Variants in TG observed in about 807,000 individuals in gnomAD.
The protein encoded by TG is thyroglobulin.
A neutral mutation model predicts 324.7 loss-of-function variants in TG; 270 were observed. That is an observed-to-expected ratio of 0.83 (90% CI 0.75 to 0.92). TG has a LOEUF of 0.92. TG is among the 40% of genes least tolerant of loss of function. The probability of loss-of-function intolerance (pLI) is 0.00; values close to 1 mark genes in which losing one functional copy is unlikely to be tolerated. For synonymous variants in TG, 1,401 were observed against 1,327.0 expected (o/e 1.06, Z -1.21); for missense variants, 3,591 against 3,456.4 (o/e 1.04, Z -0.98).
Position 132,962,983 on chromosome 8 carries a change from T to A in TG, c.5468-11T>A, listed in dbSNP as rs1323448032. The A allele has an allele frequency of 1.2e-6, 2 of 1,613,654 alleles. No homozygotes were observed. Among genetic ancestry groups the A allele is most frequent in the African/African-American group, 1.3e-5 (1 of 74,902 alleles). ...CCCCAACATTGCAACAACTCTTTTT[T>A]TTCCTCCTAGATTCTGACATGGGGT... On this transcript the variant is annotated splice_polypyrimidine_tract_variant and intron_variant, in intron 28 of 47. Coordinates refer to ENST00000220616, the MANE Select transcript of TG (RefSeq NM_003235.5).
intron 44 of TG, among the ~76,000 whole-genome samples, chr8:133,114,684 T>A (rs1487595842): frequency 6.6e-6 from 1 of 152,158 alleles, no homozygotes. Flanking sequence ...ATGCGAGTGC[T>A]TTTTACATTC....
Position 132,948,792 on chromosome 8 carries a change from G to T in TG, c.5250G>T (p.Gly1750=). The change falls in exon 27 of 48, where the codon GGG becomes GGT. Residue 1750 remains glycine, a synonymous_variant. Transcript: ENST00000220616. The part of the protein sequence containing the change: ...TQVQGGAIIC[G]LLSSPSVLLC... The stretch of plus-strand genomic sequence containing the variant: ...GATTCTCAGGTGCCATCATCTGTGG[G>T]TTGCTGAGCTCACCCAGTGTCCTGC... 1.2e-6 allele frequency: 2 copies of T among 1,613,836 alleles called. No individual in the cohort carries two copies. The highest frequency in any genetic ancestry group is 8.5e-7 in the Non-Finnish European group (1 of 1,180,022).
At chr8:132,979,485 A>G (rs1587663465) in intron 34 of TG, among the ~76,000 whole-genome samples, 1 of 152,204 alleles carries the variant, frequency 6.6e-6, no homozygotes, top group Non-Finnish European at 1.5e-5. Context: ...AGAAACTTCC[A>G]TATGTAGGTA....
At chr8:132,887,894 C>T (rs923728575) in intron 9 of TG, 90 bp from the exon 10 acceptor site, 16 of 1,223,250 alleles carry the variant, frequency 1.3e-5, no homozygotes, top group Admixed American at 4.0e-5. Context: ...AGGTTTTAGA[C>T]GGAGTTTGGA....
intron 38 of TG, 108 bp downstream of exon 38, chr8:133,018,105 A>G (rs1835213174): frequency 1.9e-6 from 2 of 1,051,452 alleles, no homozygotes; most frequent in South Asian, 2.7e-5. Flanking sequence ...GGATAAAGCA[A>G]TGTATGGAGG....
At chr8:132,952,407 C>A (rs16904793) in intron 27 of TG, among the ~76,000 whole-genome samples, 13 of 152,080 alleles carry the variant, frequency 8.5e-5, no homozygotes, top group Admixed American at 1.3e-4. Flanking sequence ...GTGCAATGGG[C>A]GCATTCGTTC....
intron 41 of TG, among the ~76,000 whole-genome samples, chr8:133,078,313 T>G (rs1845210642): frequency 6.6e-6 from 1 of 152,114 alleles, no homozygotes; most frequent in South Asian, 2.1e-4. Context: ...GGTGGGAGCA[T>G]GTGAGCCACG....
chr8:132,968,029 T>C, intron 31 of TG, 59 bp downstream of exon 31: 1 of 1,584,392 alleles, frequency 6.3e-7, no homozygotes, highest in Non-Finnish European at 8.6e-7. Context: ...GGCTCTGTGG[T>C]TTTAGAAAGA....
At position 132,946,254 on chromosome 8, in the gene TG, T is replaced by C. The variant is rs557656632; in HGVS notation, c.5234-2522T>C. 1.2e-4 allele frequency among the ~76,000 whole-genome samples: 19 copies of C among 152,254 alleles called. No individual in the cohort carries two copies. In the South Asian group the frequency reaches 3.5e-3, roughly 28 times the overall value. Reference sequence around the variant, plus strand: ...TGATTTCGTTTTCCTTAGGATCATATATGGAAGAATGTTTTTGTTCCATGG... The same window carrying C: ...TGATTTCGTTTTCCTTAGGATCATACATGGAAGAATGTTTTTGTTCCATGG... On this transcript the variant is annotated intron_variant, in intron 26 of 47. Coordinates refer to ENST00000220616, the MANE Select transcript of TG (RefSeq NM_003235.5).
chr8:132,923,252 C>T lies in TG; in HGVS notation c.4529-86C>T, dbSNP rs1173506809. Reference sequence around the variant, plus strand: ...TGAGTTAGATGTGTGACTTGGACACCTTGTCAATGACCGAGAGCCTGGGAG... The same window carrying T: ...TGAGTTAGATGTGTGACTTGGACACTTTGTCAATGACCGAGAGCCTGGGAG... On this transcript the variant is annotated intron_variant, in intron 21 of 47. Coordinates refer to ENST00000220616, the MANE Select transcript of TG (RefSeq NM_003235.5). The T allele has an allele frequency of 7.5e-6, 11 of 1,470,346 alleles. No individual in the cohort carries two copies. The Admixed American group carries it at 1.0e-4, about 14-fold the overall frequency. 91.1% of individuals were successfully genotyped at this position (1,470,346 alleles called of 1,614,324 possible). A position where few individuals can be genotyped will look rare whatever the true frequency, so the allele number is the denominator to read the frequency against.
intron 26 of TG, among the ~76,000 whole-genome samples, chr8:132,947,844 G>C (rs946736646): frequency 6.6e-6 from 1 of 152,184 alleles, no homozygotes; most frequent in Non-Finnish European, 1.5e-5. Flanking sequence ...TACCACAGTG[G>C]CTGGCACATA....
intron 41 of TG, among the ~76,000 whole-genome samples, chr8:133,075,522 G>T (rs1266155937): frequency 6.6e-6 from 1 of 152,234 alleles, no homozygotes; most frequent in Non-Finnish European, 1.5e-5. Flanking sequence ...TGATAATACT[G>T]TTCCAGTCTT....
intron 44 of TG, among the ~76,000 whole-genome samples, chr8:133,115,744 G>A (rs1194962513): frequency 6.6e-6 from 1 of 152,166 alleles, no homozygotes; most frequent in East Asian, 1.9e-4. Context: ...GTGGGCCCAG[G>A]GTCAGCCAGG....
chr8:132,898,940 C>T (rs202082021), intron 14 of TG, 30 bp downstream of exon 14: 82 of 1,570,386 alleles, frequency 5.2e-5, no homozygotes, highest in African/African-American at 1.4e-4. Flanking sequence ...GGATTGGAGC[C>T]GGGACTTGTC....
intron 43 of TG, among the ~76,000 whole-genome samples, chr8:133,106,858 C>T (rs1849846274): frequency 6.6e-6 from 1 of 152,188 alleles, no homozygotes; most frequent in Non-Finnish European, 1.5e-5. Context: ...TGATGTGTCC[C>T]AAATGCCTCG....
chr8:133,117,496 C>T (rs993091595), intron 45 of TG, among the ~76,000 whole-genome samples: 1 of 152,212 alleles, frequency 6.6e-6, no homozygotes, highest in Admixed American at 6.5e-5. Flanking sequence ...CATGAGCTTA[C>T]AGTTCTGAGC....
chr8:132,943,394 A>G (rs1424345645), intron 26 of TG, among the ~76,000 whole-genome samples: 3 of 152,104 alleles, frequency 2.0e-5, no homozygotes, highest in African/African-American at 7.2e-5. Context: ...CCAGCAGTAG[A>G]TGCCAGCACC....
intron 41 of TG, among the ~76,000 whole-genome samples, chr8:133,054,851 G>C (rs925975524): frequency 2.6e-5 from 4 of 152,150 alleles, no homozygotes; most frequent in Non-Finnish European, 5.9e-5. Context: ...AAGAGAGGAC[G>C]GGCCCTTTTG....
In TG at chr8:132,913,154, C is replaced by T. The variant is rs200236155; in HGVS notation, c.4267C>T (p.Arg1423Cys). ...CAAGACGTTCCCAGCGGAAACCATC[C>T]GCTTCCTCCAAGGGGACCACTTTGG... ...DSKTFPAETI[R>C]FLQGDHFGTS... The change falls in exon 20 of 48, where the codon CGC (arginine) becomes TGC (cysteine). Residue 1423 changes from arginine to cysteine, a missense_variant. Coordinates refer to ENST00000220616, the MANE Select transcript of TG (RefSeq NM_003235.5). 9.0e-5 allele frequency: 146 copies of T among 1,614,174 alleles called. 2 individuals carry two copies. The highest frequency in any genetic ancestry group is 5.7e-4 in the South Asian group (52 of 91,080).
Sources: allele counts gnomAD v4.1 joint callset (sites outside exome capture counted in the v4.1 genomes callset), GRCh38; gene constraint gnomAD v4.1.1; transcripts MANE v1.5; gene names NCBI Gene and HGNC (gene_info 2026-07-23, HGNC 2026-07-21).